Variants in SLC12A1 observed in about 807,000 individuals in gnomAD.
SLC12A1 encodes the protein solute carrier family 12 member 1.
A neutral mutation model predicts 130.4 loss-of-function variants in SLC12A1; 89 were observed. The observed-to-expected ratio is 0.68, with a 90% CI of 0.58 to 0.81. The LOEUF (loss-of-function observed/expected upper bound fraction) is 0.81, where lower values mean the gene tolerates loss of function less well. Ranked by LOEUF, SLC12A1 falls within the 40% of genes least tolerant of loss-of-function variation. The pLI, the probability that SLC12A1 is intolerant of heterozygous loss-of-function variation, is 0.00. For synonymous variants in SLC12A1, 499 were observed against 460.0 expected (o/e 1.08, Z -1.09); for missense variants, 1,310 against 1,336.4 (o/e 0.98, Z 0.31).
intron 17 of SLC12A1, among the ~76,000 whole-genome samples, chr15:48,261,198 A>T (rs1566845667): frequency 6.6e-6 from 1 of 152,370 alleles, no homozygotes; most frequent in East Asian, 1.9e-4. Flanking sequence ...AACTAAGTTT[A>T]GCAGGCAATA....
At position 48,273,190 on chromosome 15, in the gene SLC12A1, G is replaced by A. The variant is rs148137350; in HGVS notation, c.2403-1381G>A. Among the ~76,000 whole-genome samples the A allele has an allele frequency of 5.4e-3, 811 of 151,484 alleles. 8 individuals are homozygous for A. The highest frequency in any genetic ancestry group is 0.045 in the Middle Eastern group (13 of 286). On this transcript the variant is annotated intron_variant, in intron 19 of 26. Coordinates refer to ENST00000380993, the MANE Select transcript of SLC12A1 (RefSeq NM_000338.3). ...TGTGGGCCAGGCTGCATTCCCTTCC[G>A]GAGGCTCTAGGATAAATTTCTGACC...
intron 15 of SLC12A1, among the ~76,000 whole-genome samples, chr15:48,255,524 G>A (rs1402910364): frequency 6.6e-6 from 1 of 152,040 alleles, no homozygotes; most frequent in East Asian, 1.9e-4. Flanking sequence ...TGCCTGCAAT[G>A]TGGTTATCGC....
intron 16 of SLC12A1, among the ~76,000 whole-genome samples, chr15:48,257,283 G>C (rs1035612329): frequency 6.6e-6 from 1 of 152,294 alleles, no homozygotes; most frequent in Non-Finnish European, 1.5e-5. Context: ...AGTGTCTGCA[G>C]CTTTTCCAGG....
intron 19 of SLC12A1, among the ~76,000 whole-genome samples, chr15:48,273,037 G>A (rs773223068): frequency 3.3e-5 from 5 of 150,702 alleles, no homozygotes; most frequent in Non-Finnish European, 7.4e-5. Context: ...CCTGGGAGAC[G>A]GAGGTTGCAG....
At chr15:48,257,850 C>T (rs961744505) in intron 16 of SLC12A1, among the ~76,000 whole-genome samples, 6 of 152,216 alleles carry the variant, frequency 3.9e-5, no homozygotes, top group African/African-American at 1.4e-4. Flanking sequence ...CTCCTTGTTA[C>T]CTATGCAAAT....
chr15:48,303,444 T>C lies in SLC12A1; in HGVS notation c.*559T>C, dbSNP rs1480017753. 1 of 152,198 alleles carries C rather than the reference T, an allele frequency of 6.6e-6. No homozygotes were observed. Among genetic ancestry groups the C allele is most frequent in the African/African-American group, 2.4e-5 (1 of 41,440 alleles). The allele number at this position is 152,198 out of a possible 1,614,324, so 9.4% of individuals were successfully genotyped here. A position where few individuals can be genotyped will look rare whatever the true frequency, so the allele number is the denominator to read the frequency against. ...AGTAACTCAAAACTTTAAGAAGTAG[T>C]TGAGTCTACAAAATATTCAAAGCAG... On this transcript the variant is annotated 3_prime_UTR_variant, in exon 27 of 27. Transcript: ENST00000380993.
In SLC12A1 at chr15:48,267,567, C is replaced by A; in HGVS notation, c.2161C>A (p.Arg721Ser). Reference protein sequence around the residue: ...CICCEVFVGPRKLCVKEMNSG... With the variant: ...CICCEVFVGPSKLCVKEMNSG... ...ATTTCATTGTGTCACACAGGGACCG[C>A]GCAAACTGTGTGTTAAGGAGATGAA... is the stretch of plus-strand genomic sequence containing the variant. Residue 721 changes from arginine to serine, a missense_variant, in exon 18 of 27, where the codon CGC becomes AGC. Coordinates refer to ENST00000380993, the MANE Select transcript of SLC12A1 (RefSeq NM_000338.3). 1.2e-6 allele frequency: 2 copies of A among 1,613,254 alleles called. No individual in the cohort carries two copies. The highest frequency in any genetic ancestry group is 8.5e-7 in the Non-Finnish European group (1 of 1,179,446).
intron 17 of SLC12A1, among the ~76,000 whole-genome samples, chr15:48,265,125 C>A (rs1277072880): frequency 2.0e-5 from 3 of 152,160 alleles, no homozygotes; most frequent in Non-Finnish European, 4.4e-5. Context: ...ATTCTTACCA[C>A]ATTTGTATTG....
At position 48,248,595 on chromosome 15, in the gene SLC12A1, ATTG is replaced by A. The variant is rs1566840254; in HGVS notation, c.1685-979_1685-977del. Among the ~76,000 whole-genome samples the A allele has an allele frequency of 8.5e-5, 13 of 152,240 alleles. No individual in the cohort carries two copies. The South Asian group carries it at 2.5e-3, about 29-fold the overall frequency. On this transcript the variant is annotated intron_variant, in intron 13 of 26. Coordinates refer to ENST00000380993, the MANE Select transcript of SLC12A1 (RefSeq NM_000338.3). ...ACACCCAGCTGCCTGCATTTGCATC[ATTG>A]CATCATTTGCATCATTGCATCATTT...
At chr15:48,287,896 C>T (rs975478528) in intron 21 of SLC12A1, 147 bp from the exon 22 acceptor site, 1 of 782,336 alleles carries the variant, frequency 1.3e-6, no homozygotes, top group Non-Finnish European at 1.9e-6. Flanking sequence ...TTTATCTCTG[C>T]CTTTTGAAGA....
At chr15:48,285,827 G>A (rs2042050812) in intron 21 of SLC12A1, among the ~76,000 whole-genome samples, 1 of 152,226 alleles carries the variant, frequency 6.6e-6, no homozygotes, top group African/African-American at 2.4e-5. Context: ...GAGGTTGGGA[G>A]AGCTTGTTAC....
intron 20 of SLC12A1, among the ~76,000 whole-genome samples, chr15:48,279,891 C>A (rs1028733771): frequency 6.6e-6 from 1 of 152,214 alleles, no homozygotes; most frequent in African/African-American, 2.4e-5. Flanking sequence ...GCAACCACTG[C>A]AGGATTGCTT....
Position 48,249,736 on chromosome 15 carries a change from C to T in SLC12A1, c.1786+60C>T, listed in dbSNP as rs79825500. 6.6e-3 allele frequency: 7,944 copies of T among 1,197,736 alleles called. 354 individuals are homozygous for T. The East Asian group carries it at 0.11, about 16-fold the overall frequency. 74.2% of individuals were successfully genotyped at this position (1,197,736 alleles called of 1,614,324 possible). A position where few individuals can be genotyped will look rare whatever the true frequency, so the allele number is the denominator to read the frequency against. On this transcript the variant is annotated intron_variant, in intron 14 of 26. Coordinates refer to ENST00000380993, the MANE Select transcript of SLC12A1 (RefSeq NM_000338.3). ...AAACAGTTAGTTTGTCTCAATAAAACGAAATAAATCAGTGAAAAGTGTTCA... is the reference window on the plus strand; with the variant it reads ...AAACAGTTAGTTTGTCTCAATAAAATGAAATAAATCAGTGAAAAGTGTTCA...
intron 4 of SLC12A1, 141 bp downstream of exon 4, chr15:48,221,137 G>A: frequency 1.2e-6 from 1 of 833,248 alleles, no homozygotes; most frequent in Non-Finnish European, 1.9e-6. Context: ...TTGCTTCTTT[G>A]ACGATGTTTG....
At chr15:48,212,163 TTTTTA>T (rs2041059267) in intron 2 of SLC12A1, among the ~76,000 whole-genome samples, 2 of 152,162 alleles carry the variant, frequency 1.3e-5, no homozygotes, top group Admixed American at 1.3e-4. Flanking sequence ...TTATACTAGC[TTTTTA>T]TTTTAACAGA....
chr15:48,240,066 T>TCC lies in SLC12A1; in HGVS notation c.1216-1449_1216-1448insCC, dbSNP rs1192173810. Among the ~76,000 whole-genome samples the TCC allele has an allele frequency of 6.0e-5, 6 of 99,622 alleles. 2 individuals are homozygous for TCC. The highest frequency in any genetic ancestry group is 3.6e-4 in the African/African-American group (6 of 16,806). 65.4% of individuals were successfully genotyped at this position (99,622 alleles called of 152,430 possible). A position where few individuals can be genotyped will look rare whatever the true frequency, so the allele number is the denominator to read the frequency against. ...ATATATATCCATATATATATATATA[T>TCC]ATATCCATATATATATATATATATC... On this transcript the variant is annotated intron_variant, in intron 9 of 26. Transcript: ENST00000380993.
chr15:48,216,250 C>A (rs960478107), intron 2 of SLC12A1, among the ~76,000 whole-genome samples: 1 of 152,114 alleles, frequency 6.6e-6, no homozygotes, highest in Non-Finnish European at 1.5e-5. Context: ...ATTCTTTTTG[C>A]ATCATATTGT....
At chr15:48,214,953 G>A (rs1268833889) in intron 2 of SLC12A1, among the ~76,000 whole-genome samples, 1 of 151,320 alleles carries the variant, frequency 6.6e-6, no homozygotes, top group Non-Finnish European at 1.5e-5. Flanking sequence ...GTCTCTCGGT[G>A]GTGGTCTAAA....
At chr15:48,212,782 T>C (rs1597395402) in intron 2 of SLC12A1, among the ~76,000 whole-genome samples, 1 of 152,238 alleles carries the variant, frequency 6.6e-6, no homozygotes, top group Admixed American at 6.5e-5. Flanking sequence ...TTAAGACAAA[T>C]ATTATTCTTA....
Sources: allele counts gnomAD v4.1 joint callset (sites outside exome capture counted in the v4.1 genomes callset), GRCh38; gene constraint gnomAD v4.1.1; transcripts MANE v1.5; gene names NCBI Gene and HGNC (gene_info 2026-07-23, HGNC 2026-07-21).